CLEC4A: variants seen among roughly 807,000 people sequenced by gnomAD.
The protein encoded by CLEC4A is C-type lectin domain family 4 member A, also known as C-type (calcium dependent, carbohydrate-recognition domain) lectin, superfamily member 6.
Under a neutral mutation model 32.7 loss-of-function variants are expected in CLEC4A, and 27 were observed. The ratio of observed to expected loss-of-function variants is 0.83; its 90% CI spans 0.61 to 1.14. CLEC4A has a LOEUF of 1.14. Ranked by LOEUF, CLEC4A falls within the 50% of genes most tolerant of loss-of-function variation. CLEC4A has a pLI of 0.00. For synonymous variants in CLEC4A, 89 were observed against 93.7 expected (o/e 0.95, Z 0.29); for missense variants, 253 against 274.6 (o/e 0.92, Z 0.55).
chr12:8,119,197 T>C (rs1202505566), upstream of CLEC4A, among the ~76,000 whole-genome samples: 1 of 152,216 alleles, frequency 6.6e-6, no homozygotes, highest in African/African-American at 2.4e-5. Flanking sequence ...GTCTCATCTT[T>C]GGTGAAAATA....
intron 1 of CLEC4A, among the ~76,000 whole-genome samples, chr12:8,125,260 A>T (rs906149556): frequency 6.6e-6 from 1 of 152,188 alleles, no homozygotes; most frequent in Non-Finnish European, 1.5e-5. Context: ...AAATTTGCAT[A>T]TGTGTATATA....
At chr12:8,103,215 T>G in the CLEC4A span, among the ~76,000 whole-genome samples, 15 of 152,052 alleles carry the variant, frequency 9.9e-5, no homozygotes, top group Admixed American at 9.8e-4. Context: ...GAAACAAAGC[T>G]CTGCTCATGT....
At chr12:8,129,189 A>G (rs1409628329) in intron 2 of CLEC4A, 75 bp from the exon 3 acceptor site, 3 of 915,176 alleles carry the variant, frequency 3.3e-6, no homozygotes, top group African/African-American at 1.7e-5. Context: ...TCAATAAAGA[A>G]TGCAAGAAAG....
At chr12:8,104,085 T>A in the CLEC4A span, among the ~76,000 whole-genome samples, 2 of 152,204 alleles carry the variant, frequency 1.3e-5, no homozygotes, top group African/African-American at 4.8e-5. Context: ...TTTTCTGTAT[T>A]TTACTCATTT....
chr12:8,119,241 T>C (rs1311912337), upstream of CLEC4A, among the ~76,000 whole-genome samples: 2 of 152,258 alleles, frequency 1.3e-5, no homozygotes, highest in Non-Finnish European at 2.9e-5. Context: ...TTTTGTTTTC[T>C]GAGACAGAGC....
At chr12:8,125,327 T>C (rs188561099) in intron 1 of CLEC4A, among the ~76,000 whole-genome samples, 129 of 152,272 alleles carry the variant, frequency 8.5e-4, no homozygotes, top group Admixed American at 2.5e-3. Context: ...ATATTATAAG[T>C]TATATGGCAT....
At chr12:8,134,378 G>A in intron 3 of CLEC4A, 2 of 1,613,380 alleles carry the variant, frequency 1.2e-6, no homozygotes, top group East Asian at 2.2e-5. Flanking sequence ...ATCCCAGGGT[G>A]ATCCTCTTCT....
chr12:8,121,987 G>C (rs1400891931), upstream of CLEC4A, among the ~76,000 whole-genome samples: 1 of 151,998 alleles, frequency 6.6e-6, no homozygotes, highest in Non-Finnish European at 1.5e-5. Flanking sequence ...TGAGGAGAGA[G>C]AGCATCCTTG....
the CLEC4A span, among the ~76,000 whole-genome samples, chr12:8,105,794 G>A: frequency 2.0e-5 from 3 of 152,242 alleles, no homozygotes; most frequent in South Asian, 4.2e-4. Flanking sequence ...TCAGATCTTC[G>A]TCAGATGCAT....
intron 3 of CLEC4A, among the ~76,000 whole-genome samples, chr12:8,132,141 T>G (rs1033187153): frequency 6.6e-6 from 1 of 152,228 alleles, no homozygotes; most frequent in African/African-American, 2.4e-5. Context: ...CTTTTTCATT[T>G]GACTCCTGTG....
upstream of CLEC4A, chr12:8,121,492 GC>G (rs1449036478): frequency 1.3e-5 from 2 of 152,612 alleles, no homozygotes. Flanking sequence ...AGCAGCAGTG[GC>G]CTGGCACAGG....
Position 8,133,745 on chromosome 12 carries a change from C to T in CLEC4A, c.299-1840C>T. 4 of 1,586,986 alleles carry T rather than the reference C, an allele frequency of 2.5e-6. No individual in the cohort carries two copies. The South Asian group carries it at 3.4e-5, about 14-fold the overall frequency. On this transcript the variant is annotated intron_variant, in intron 3 of 5. Transcript: ENST00000229332. ...TCCCTAGCTCCTCCCCTCCCCCTGTCCCCCATTCCTAGAAGGGCAGGCACC... is the reference window on the plus strand; with the variant it reads ...TCCCTAGCTCCTCCCCTCCCCCTGTTCCCCATTCCTAGAAGGGCAGGCACC...
chr12:8,110,612 G>C, the CLEC4A span, among the ~76,000 whole-genome samples: 2 of 152,280 alleles, frequency 1.3e-5, no homozygotes, highest in South Asian at 4.1e-4. Flanking sequence ...CCACTGCACA[G>C]TGTATAACGG....
chr12:8,138,289 C>T lies in CLEC4A; in HGVS notation c.*2C>T. 6.2e-7 allele frequency: 1 copy of T among 1,613,992 alleles called. No homozygotes were observed. Among genetic ancestry groups the T allele is most frequent in the Non-Finnish European group, 8.5e-7 (1 of 1,179,940 alleles). On this transcript the variant is annotated 3_prime_UTR_variant, in exon 6 of 6. Coordinates refer to ENST00000229332, the MANE Select transcript of CLEC4A (RefSeq NM_016184.4). ...GAGATGATGAAGATCCACTTATGAA[C>T]TGAACATTCTCCATGAACAGGTGGT...
Position 8,138,243 on chromosome 12 carries a change from G to A in CLEC4A, c.670G>A (p.Gly224Ser). 6.2e-7 allele frequency: 1 copy of A among 1,614,014 alleles called. No homozygotes were observed. Among genetic ancestry groups the A allele is most frequent in the Non-Finnish European group, 8.5e-7 (1 of 1,179,996 alleles). The change falls in exon 6 of 6, where the codon GGT becomes AGT. Residue 224 changes from glycine to serine, a missense_variant. Coordinates refer to ENST00000229332, the MANE Select transcript of CLEC4A (RefSeq NM_016184.4). ...GGGCTGGAATGATGTTAATTGTCTTGGTCCTCAAAGGTCAGTTTGTGAGAT... is the reference window on the plus strand; with the variant it reads ...GGGCTGGAATGATGTTAATTGTCTTAGTCCTCAAAGGTCAGTTTGTGAGAT... ...RWGWNDVNCL[G>S]PQRSVCEMMK... is the part of the protein sequence containing the mutation.
the CLEC4A span, among the ~76,000 whole-genome samples, chr12:8,116,797 G>A: frequency 5.3e-5 from 8 of 152,270 alleles, no homozygotes; most frequent in African/African-American, 1.7e-4. Flanking sequence ...GTGACTTCAG[G>A]CTCTCACTAT....
At chr12:8,117,130 TGA>T in the CLEC4A span, among the ~76,000 whole-genome samples, 1 of 152,216 alleles carries the variant, frequency 6.6e-6, no homozygotes, top group African/African-American at 2.4e-5. Flanking sequence ...TAGGATATAT[TGA>T]GTTTGTTACT....
upstream of CLEC4A, among the ~76,000 whole-genome samples, chr12:8,119,447 C>T (rs1947814014): frequency 6.6e-6 from 1 of 152,182 alleles, no homozygotes; most frequent in African/African-American, 2.4e-5. Flanking sequence ...TGGTCTCGAT[C>T]CCCTGACCTT....
At chr12:8,112,602 CAT>C in the CLEC4A span, among the ~76,000 whole-genome samples, 1 of 150,628 alleles carries the variant, frequency 6.6e-6, no homozygotes, top group East Asian at 1.9e-4. Context: ...CATGTGTTGT[CAT>C]GTGTTTAAGT....
Sources: allele counts gnomAD v4.1 joint callset (sites outside exome capture counted in the v4.1 genomes callset), GRCh38; gene constraint gnomAD v4.1.1; transcripts MANE v1.5; gene names NCBI Gene and HGNC (gene_info 2026-07-23, HGNC 2026-07-21).